The following PREP variants were observed in gnomAD, a reference collection of about 807,000 sequenced individuals.
The protein encoded by PREP is prolyl endopeptidase, also known as dJ355L5.1 (prolyl endopeptidase).
In PREP, 29 loss-of-function variants were observed where a neutral mutation model predicts 87.6. That is an observed-to-expected ratio of 0.33 (90% CI 0.25 to 0.45). The LOEUF is 0.45. Among genes scored for constraint, PREP ranks in the 20% least tolerant of loss-of-function variants. The probability of loss-of-function intolerance (pLI) is 1.00; values close to 1 mark genes in which losing one functional copy is unlikely to be tolerated. For synonymous variants in PREP, 337 were observed against 328.6 expected (o/e 1.03, Z -0.28); for missense variants, 695 against 886.5 (o/e 0.78, Z 2.74).
At chr6:105,377,621 G>A (rs1772720380) in intron 2 of PREP, 102 bp from the exon 3 acceptor site, 2 of 1,250,516 alleles carry the variant, frequency 1.6e-6, no homozygotes, top group Admixed American at 2.3e-5. Context: ...TTGTCTCTTA[G>A]CCAGTGCCTC....
At chr6:105,288,995 G>T in intron 10 of PREP, 101 bp from the exon 11 acceptor site, 1 of 1,215,282 alleles carries the variant, frequency 8.2e-7, no homozygotes, top group Non-Finnish European at 1.1e-6. Flanking sequence ...ATGATGTACA[G>T]TAGCACAGTG....
chr6:105,368,658 G>T (rs1772457314), intron 6 of PREP, among the ~76,000 whole-genome samples: 1 of 152,114 alleles, frequency 6.6e-6, no homozygotes, highest in African/African-American at 2.4e-5. Context: ...GTTTTTACTA[G>T]AAGTAAAATT....
chr6:105,290,355 G>C (rs1360426652), intron 10 of PREP, among the ~76,000 whole-genome samples: 1 of 152,166 alleles, frequency 6.6e-6, no homozygotes, highest in Admixed American at 6.5e-5. Flanking sequence ...TACCCGCAGA[G>C]GCAACAGCAT....
rs1209663125 is a variant in PREP, at chr6:105,290,399, G to GCTA, written c.1318-1508_1318-1506dup. Among the ~76,000 whole-genome samples, 4 of 152,178 alleles carry GCTA rather than the reference G, an allele frequency of 2.6e-5. No individual in the cohort carries two copies. In the South Asian group the frequency reaches 6.2e-4, roughly 24 times the overall value. On this transcript the variant is annotated intron_variant, in intron 10 of 14. Transcript: ENST00000652536. The stretch of plus-strand genomic sequence containing the variant: ...AAGCGAGCAAACCGTCTCACATGAT[G>GCTA]CTACCTTCACTGTTCGAAAAATCAT...
chr6:105,398,158 G>A (rs1256122942), intron 1 of PREP, among the ~76,000 whole-genome samples: 1 of 152,116 alleles, frequency 6.6e-6, no homozygotes, highest in East Asian at 1.9e-4. Context: ...AAAGATGAAA[G>A]GTCAGAACAG....
chr6:105,385,639 T>G (rs911374437), intron 2 of PREP, among the ~76,000 whole-genome samples: 2 of 152,168 alleles, frequency 1.3e-5, no homozygotes, highest in Non-Finnish European at 2.9e-5. Flanking sequence ...TTTTTCAAAT[T>G]ATCAAAAACC....
chr6:105,362,963 CA>C (rs1379395657), intron 6 of PREP, among the ~76,000 whole-genome samples: 2 of 152,186 alleles, frequency 1.3e-5, no homozygotes, highest in Non-Finnish European at 2.9e-5. Flanking sequence ...TGAACTTCCA[CA>C]GGGGACATGG....
rs921393985 is a variant in PREP, at chr6:105,316,582, C to T, written c.1317+7083G>A. 3.9e-5 allele frequency among the ~76,000 whole-genome samples: 6 copies of T among 152,064 alleles called. No homozygotes were observed. The South Asian group carries it at 6.2e-4, about 16-fold the overall frequency. On this transcript the variant is annotated intron_variant, in intron 10 of 14. Coordinates refer to ENST00000652536, the MANE Select transcript of PREP (RefSeq NM_002726.5). ...CTTCAAACCTTCAGTTTTTAAAAAA[C>T]GAGGAATCTGCAAAGTACAATACAA...
At chr6:105,387,139 T>C (rs1215430811) in intron 2 of PREP, among the ~76,000 whole-genome samples, 5 of 152,122 alleles carry the variant, frequency 3.3e-5, no homozygotes, top group Non-Finnish European at 7.4e-5. Flanking sequence ...TGAGAATTGC[T>C]TGAACTTGCC....
chr6:105,283,211 G>A (rs1770119856), intron 12 of PREP, among the ~76,000 whole-genome samples: 1 of 152,236 alleles, frequency 6.6e-6, no homozygotes, highest in Admixed American at 6.5e-5. Flanking sequence ...ATCACATTAT[G>A]TTTTCTCAAT....
chr6:105,301,368 T>A (rs1157030439), intron 10 of PREP, among the ~76,000 whole-genome samples: 1 of 152,236 alleles, frequency 6.6e-6, no homozygotes, highest in Non-Finnish European at 1.5e-5. Context: ...ACAGGCAGCA[T>A]GCAGAGGAAC....
chr6:105,369,822 CA>C (rs1772487584), intron 5 of PREP, among the ~76,000 whole-genome samples: 1 of 152,054 alleles, frequency 6.6e-6, no homozygotes, highest in African/African-American at 2.4e-5. Flanking sequence ...AACAAACAAA[CA>C]AACAAACAAA....
intron 7 of PREP, among the ~76,000 whole-genome samples, chr6:105,345,727 G>A (rs1042603748): frequency 5.3e-5 from 8 of 152,270 alleles, no homozygotes; most frequent in South Asian, 4.1e-4. Flanking sequence ...TTAGAACACA[G>A]GCTTGGGAGT....
intron 10 of PREP, chr6:105,298,943 C>A (rs1770474427): frequency 6.6e-6 from 1 of 152,120 alleles, no homozygotes; most frequent in Non-Finnish European, 1.5e-5. Flanking sequence ...TCAAAAAAAC[C>A]AAAAAACCTT....
intron 10 of PREP, among the ~76,000 whole-genome samples, chr6:105,292,362 C>G (rs1236237088): frequency 6.6e-6 from 1 of 152,194 alleles, no homozygotes; most frequent in Non-Finnish European, 1.5e-5. Flanking sequence ...GGCATGAAAA[C>G]AACATTCACC....
At chr6:105,397,689 C>T (rs762113702) in intron 2 of PREP, among the ~76,000 whole-genome samples, 164 bp downstream of exon 2, 3 of 152,098 alleles carry the variant, frequency 2.0e-5, no homozygotes, top group Admixed American at 6.5e-5. Context: ...TTGTCTTTTT[C>T]CCATAAATTA....
At chr6:105,365,151 G>C (rs1235978416) in intron 6 of PREP, among the ~76,000 whole-genome samples, 1 of 152,208 alleles carries the variant, frequency 6.6e-6, no homozygotes, top group Admixed American at 6.5e-5. Flanking sequence ...GGAGGCTGAG[G>C]CAAGAGAATT....
intron 10 of PREP, among the ~76,000 whole-genome samples, chr6:105,306,807 T>C (rs763222165): frequency 6.9e-6 from 1 of 143,918 alleles, no homozygotes; most frequent in Non-Finnish European, 1.5e-5. Flanking sequence ...TCTAATTCTC[T>C]AAGCACCTGG....
chr6:105,349,913 A>AAAAAAAAAAG, intron 7 of PREP, among the ~76,000 whole-genome samples: 1 of 149,826 alleles, frequency 6.7e-6, no homozygotes, highest in African/African-American at 2.5e-5. Flanking sequence ...AAAAAAAAAA[A>AAAAAAAAAAG]AAAAAAAAAG....
Sources: gnomAD v4.1 joint callset for allele counts (sites outside exome capture counted in the v4.1 genomes callset) on GRCh38, gnomAD v4.1.1 for gene constraint, MANE v1.5 for transcripts, NCBI Gene and HGNC (gene_info 2026-07-23, HGNC 2026-07-21) for gene names.